The following ADGRL3 variants were observed in gnomAD, a reference collection of about 807,000 sequenced individuals.
The protein encoded by ADGRL3 is adhesion G protein-coupled receptor L3, also known as calcium-independent alpha-latrotoxin receptor 3.
ADGRL3 carries 62 observed loss-of-function variants against 153.5 expected under a neutral mutation model. The observed-to-expected ratio is 0.40, with a 90% CI of 0.33 to 0.50. The LOEUF (loss-of-function observed/expected upper bound fraction) is 0.50. Ranked by LOEUF, ADGRL3 falls within the 20% of genes least tolerant of loss-of-function variation. The pLI is 0.47. For missense variants in ADGRL3, 1,641 were observed against 1,859.4 expected, an observed-to-expected ratio of 0.88 and a Z score of 2.16; for synonymous variants, 710 against 672.5, an observed-to-expected ratio of 1.06 and a Z score of -0.86.
At chr4:61,690,123 G>A (rs76364664) in intron 6 of ADGRL3, among the ~76,000 whole-genome samples, 1,825 of 152,194 alleles carry the variant, frequency 0.012, 40 homozygotes, top group African/African-American at 0.041. Context: ...TCAATGCTCC[G>A]TAACAGAAAC....
chr4:61,907,680 G>A (rs2098702798), intron 11 of ADGRL3, among the ~76,000 whole-genome samples: 1 of 151,444 alleles, frequency 6.6e-6, no homozygotes, highest in Admixed American at 6.6e-5. Context: ...GAGATATTGG[G>A]GAGATGTGCT....
intron 25 of ADGRL3, among the ~76,000 whole-genome samples, chr4:62,066,421 T>C (rs950439660): frequency 6.6e-6 from 1 of 152,090 alleles, no homozygotes; most frequent in Non-Finnish European, 1.5e-5. Context: ...GATGTGTTTA[T>C]TGTGTTACTG....
At chr4:61,755,319 T>C (rs1253038911) in intron 8 of ADGRL3, among the ~76,000 whole-genome samples, 1 of 152,132 alleles carries the variant, frequency 6.6e-6, no homozygotes, top group Non-Finnish European at 1.5e-5. Context: ...TTCTAACTGG[T>C]GTGAGATGGT....
chr4:61,349,872 A>G (rs188711058), intron 1 of ADGRL3, among the ~76,000 whole-genome samples: 2 of 152,230 alleles, frequency 1.3e-5, no homozygotes, highest in African/African-American at 2.4e-5. Flanking sequence ...ATGAATGACT[A>G]TTTCATGGAT....
intron 9 of ADGRL3, among the ~76,000 whole-genome samples, chr4:61,882,144 C>T (rs1467026886): frequency 1.3e-5 from 2 of 152,052 alleles, no homozygotes; most frequent in Non-Finnish European, 2.9e-5. Flanking sequence ...TGTTCGAGGT[C>T]AGTATATTTA....
chr4:61,842,747 G>T (rs1415031241), intron 9 of ADGRL3, among the ~76,000 whole-genome samples: 2 of 152,130 alleles, frequency 1.3e-5, no homozygotes, highest in African/African-American at 2.4e-5. Flanking sequence ...ACCTGAAAGC[G>T]GTTTGTGTTT....
intron 2 of ADGRL3, among the ~76,000 whole-genome samples, chr4:61,467,129 A>G (rs1463053087): frequency 1.3e-5 from 2 of 152,154 alleles, no homozygotes; most frequent in Non-Finnish European, 2.9e-5. Context: ...AGAATCAAGC[A>G]GAAAGAACAA....
At chr4:61,551,166 C>G (rs1257954677) in intron 4 of ADGRL3, among the ~76,000 whole-genome samples, 2 of 152,090 alleles carry the variant, frequency 1.3e-5, no homozygotes, top group Admixed American at 6.6e-5. Context: ...GATTCTGAGG[C>G]TATTTCTCCA....
chr4:61,899,188 T>G (rs984025047), intron 11 of ADGRL3, among the ~76,000 whole-genome samples: 2 of 119,282 alleles, frequency 1.7e-5, no homozygotes, highest in African/African-American at 6.4e-5. Context: ...ACTGAGGACT[T>G]TCTTGCCTCA....
At chr4:61,720,628 A>G (rs2096225910) in intron 6 of ADGRL3, among the ~76,000 whole-genome samples, 1 of 152,186 alleles carries the variant, frequency 6.6e-6, no homozygotes, top group African/African-American at 2.4e-5. Context: ...CTTGCACATG[A>G]AAGATAGTGG....
At chr4:62,020,346 C>T (rs1252442582) in intron 21 of ADGRL3, among the ~76,000 whole-genome samples, 8 of 152,062 alleles carry the variant, frequency 5.3e-5, no homozygotes, top group Non-Finnish European at 1.0e-4. Flanking sequence ...TAAAGTACTT[C>T]ATCTCTTTAC....
intron 1 of ADGRL3, among the ~76,000 whole-genome samples, chr4:61,337,068 G>T (rs2095693147): frequency 7.1e-6 from 1 of 141,474 alleles, no homozygotes; most frequent in African/African-American, 2.6e-5. Context: ...TTGTTTTTTT[G>T]CAGTTTCCTT....
At chr4:61,913,886 G>A (rs2098733453) in intron 13 of ADGRL3, among the ~76,000 whole-genome samples, 1 of 152,106 alleles carries the variant, frequency 6.6e-6, no homozygotes, top group African/African-American at 2.4e-5. Flanking sequence ...AAATATCTCT[G>A]TGTGCCAGCT....
intron 15 of ADGRL3, among the ~76,000 whole-genome samples, chr4:61,938,676 G>A (rs2098850736): frequency 6.6e-6 from 1 of 151,902 alleles, no homozygotes; most frequent in South Asian, 2.1e-4. Context: ...GCTTCTTTGT[G>A]TCACTAGCTC....
chr4:61,440,211 G>T (rs1259739948), intron 2 of ADGRL3, among the ~76,000 whole-genome samples: 1 of 151,938 alleles, frequency 6.6e-6, no homozygotes, highest in Non-Finnish European at 1.5e-5. Flanking sequence ...ACCACACCTG[G>T]CTAATTTTTG....
intron 9 of ADGRL3, among the ~76,000 whole-genome samples, chr4:61,815,575 C>T (rs1263811786): frequency 1.3e-5 from 2 of 152,122 alleles, no homozygotes; most frequent in African/African-American, 4.8e-5. Context: ...GGCAGAAATG[C>T]CTCTGAGGTT....
chr4:61,315,796 C>T (rs905058013), intron 1 of ADGRL3, among the ~76,000 whole-genome samples: 1 of 152,110 alleles, frequency 6.6e-6, no homozygotes, highest in African/African-American at 2.4e-5. Context: ...ATAAAGGATC[C>T]TCAAGATAAT....
intron 9 of ADGRL3, among the ~76,000 whole-genome samples, chr4:61,876,625 G>A (rs936457349): frequency 6.6e-6 from 1 of 151,812 alleles, no homozygotes; most frequent in African/African-American, 2.4e-5. Flanking sequence ...AACGGAGTTG[G>A]GCCTGGGAGG....
chr4:62,008,674 TA>T (rs946835686), intron 21 of ADGRL3, among the ~76,000 whole-genome samples: 2 of 151,290 alleles, frequency 1.3e-5, no homozygotes, highest in African/African-American at 2.4e-5. Context: ...ATTTACAGGT[TA>T]AAAATTAATA....
Sources: gnomAD v4.1 joint callset for allele counts (sites outside exome capture counted in the v4.1 genomes callset) on GRCh38, gnomAD v4.1.1 for gene constraint, MANE v1.5 for transcripts, NCBI Gene and HGNC (gene_info 2026-07-23, HGNC 2026-07-21) for gene names.